The following LRRTM3 variants were observed in gnomAD, a reference collection of about 807,000 sequenced individuals.
The protein encoded by LRRTM3 is leucine rich repeat transmembrane neuronal 3.
LRRTM3 carries 24 observed loss-of-function variants against 44.7 expected under a neutral mutation model. That is an observed-to-expected ratio of 0.54 (90% CI 0.39 to 0.76). The LOEUF is 0.76. Ranked by LOEUF, LRRTM3 falls within the 30% of genes least tolerant of loss-of-function variation. The pLI is 0.00. For synonymous variants in LRRTM3, 277 were observed against 278.7 expected (o/e 0.99, Z 0.06); for missense variants, 587 against 702.2 (o/e 0.84, Z 1.85).
chr10:67,068,566 A>G (rs542243834), intron 2 of LRRTM3, among the ~76,000 whole-genome samples: 1 of 152,334 alleles, frequency 6.6e-6, no homozygotes, highest in African/African-American at 2.4e-5. Context: ...GCAGGTCAAG[A>G]ACAGAACTTT....
intron 2 of LRRTM3, among the ~76,000 whole-genome samples, chr10:67,045,872 G>A (rs1461827038): frequency 6.6e-6 from 1 of 152,118 alleles, no homozygotes; most frequent in East Asian, 1.9e-4. Context: ...CCTTTAACCT[G>A]GTCCCCCAAA....
intron 2 of LRRTM3, among the ~76,000 whole-genome samples, chr10:67,050,210 A>G (rs1854998464): frequency 6.6e-6 from 1 of 152,256 alleles, no homozygotes; most frequent in African/African-American, 2.4e-5. Context: ...TGCAATGCAG[A>G]TAAGAGGAAA....
chr10:66,965,828 A>C (rs1379466827), intron 2 of LRRTM3, among the ~76,000 whole-genome samples: 1 of 151,950 alleles, frequency 6.6e-6, no homozygotes, highest in Non-Finnish European at 1.5e-5. Flanking sequence ...TTTTTTTTCT[A>C]TGTTAAGTGA....
chr10:66,942,682 C>T (rs1002568582), intron 2 of LRRTM3, among the ~76,000 whole-genome samples: 1 of 151,740 alleles, frequency 6.6e-6, no homozygotes, highest in African/African-American at 2.4e-5. Flanking sequence ...CCTTTCTCTA[C>T]CCCAAACATG....
intron 2 of LRRTM3, among the ~76,000 whole-genome samples, chr10:67,063,023 C>T (rs922942792): frequency 6.6e-6 from 1 of 151,946 alleles, no homozygotes; most frequent in Non-Finnish European, 1.5e-5. Flanking sequence ...TATGTAAGCA[C>T]CTAATTTCCT....
chr10:67,063,479 A>G (rs995983727), intron 2 of LRRTM3, among the ~76,000 whole-genome samples: 1 of 152,200 alleles, frequency 6.6e-6, no homozygotes, highest in African/African-American at 2.4e-5. Flanking sequence ...CAGGGTCAAG[A>G]GTTCACTCCA....
At chr10:66,993,005 G>A (rs1340324325) in intron 2 of LRRTM3, among the ~76,000 whole-genome samples, 1 of 152,082 alleles carries the variant, frequency 6.6e-6, no homozygotes, top group East Asian at 1.9e-4. Context: ...ACAAAACAGT[G>A]GAGGTTTTCT....
rs373411740 is a variant in LRRTM3 at position 67,048,938 on chromosome 10, ACTTAGTTATTC to A, written c.1537-48637_1537-48627del. On this transcript the variant is annotated intron_variant, in intron 2 of 2. Transcript: ENST00000361320. ...ACAACTAGTCATTCCTTAATTTTAT[ACTTAGTTATTC>A]CTTAGTTATTCTTAGTTATTCCTTA... Among the ~76,000 whole-genome samples, 1,446 of 151,986 alleles carry A rather than the reference ACTTAGTTATTC, an allele frequency of 9.5e-3. 10 individuals are homozygous for A. Among genetic ancestry groups the A allele is most frequent in the Non-Finnish European group, 0.014 (955 of 67,914 alleles).
intron 2 of LRRTM3, among the ~76,000 whole-genome samples, chr10:67,073,875 T>A (rs1856593607): frequency 6.6e-6 from 1 of 152,178 alleles, no homozygotes; most frequent in Non-Finnish European, 1.5e-5. Context: ...CAATCACATT[T>A]TACTGATGAG....
chr10:67,026,614 T>A lies in LRRTM3; in HGVS notation c.1537-70973T>A, dbSNP rs1054691090. Among the ~76,000 whole-genome samples the A allele has an allele frequency of 3.3e-5, 5 of 152,174 alleles. 1 individual carries two copies. Among genetic ancestry groups the A allele is most frequent in the African/African-American group, 1.2e-4 (5 of 41,454 alleles). On this transcript the variant is annotated intron_variant, in intron 2 of 2. Transcript: ENST00000361320. The stretch of plus-strand genomic sequence containing the variant: ...TATCTCTCAAGAAAGAACAGTCTTC[T>A]GAACATTCATATTGAAGGAAAAGGA...
intron 2 of LRRTM3, among the ~76,000 whole-genome samples, chr10:66,950,720 A>T (rs1276805855): frequency 1.3e-5 from 2 of 152,210 alleles, no homozygotes; most frequent in Non-Finnish European, 2.9e-5. Context: ...CAACCTTTGT[A>T]GCTACATGCA....
intron 2 of LRRTM3, among the ~76,000 whole-genome samples, chr10:67,047,102 T>C (rs1854801996): frequency 6.6e-6 from 1 of 152,132 alleles, no homozygotes; most frequent in Admixed American, 6.5e-5. Flanking sequence ...CAGAGGACAA[T>C]GAAGACAGTA....
intron 1 of LRRTM3, 45 bp downstream of exon 1, chr10:66,926,632 C>CA: frequency 1.9e-6 from 3 of 1,598,182 alleles, no homozygotes; most frequent in African/African-American, 2.7e-5. Flanking sequence ...AAACAAAAAA[C>CA]AAAAAACCTC....
At chr10:66,960,631 T>C (rs893509642) in intron 2 of LRRTM3, among the ~76,000 whole-genome samples, 1 of 152,202 alleles carries the variant, frequency 6.6e-6, no homozygotes, top group African/African-American at 2.4e-5. Flanking sequence ...TGTGAACATA[T>C]TCCATCTTTG....
At chr10:67,031,599 G>A (rs1853732737) in intron 2 of LRRTM3, among the ~76,000 whole-genome samples, 2 of 152,182 alleles carry the variant, frequency 1.3e-5, no homozygotes, top group South Asian at 4.1e-4. Context: ...CACTTTTGCA[G>A]AAGTCAGGTT....
intron 2 of LRRTM3, among the ~76,000 whole-genome samples, chr10:66,990,623 T>A (rs1485223254): frequency 6.6e-6 from 1 of 152,136 alleles, no homozygotes; most frequent in African/African-American, 2.4e-5. Context: ...TCAAGATGAC[T>A]CAGCAAGTTA....
At chr10:67,039,057 A>G (rs1854239667) in intron 2 of LRRTM3, among the ~76,000 whole-genome samples, 1 of 152,068 alleles carries the variant, frequency 6.6e-6, no homozygotes. Context: ...ATATCAGCAG[A>G]TATGTTCTCC....
chr10:67,011,749 T>C (rs1852354408), intron 2 of LRRTM3, among the ~76,000 whole-genome samples: 1 of 152,088 alleles, frequency 6.6e-6, no homozygotes, highest in Non-Finnish European at 1.5e-5. Context: ...TTAATCCTCA[T>C]AATAACCCTA....
chr10:67,012,420 G>A (rs1852396385), intron 2 of LRRTM3: 1 of 151,986 alleles, frequency 6.6e-6, no homozygotes, highest in Admixed American at 6.6e-5. Context: ...AAAATTATTT[G>A]ATATAATATA....
Sources: allele counts gnomAD v4.1 joint callset (sites outside exome capture counted in the v4.1 genomes callset), GRCh38; gene constraint gnomAD v4.1.1; transcripts MANE v1.5; gene names NCBI Gene and HGNC (gene_info 2026-07-23, HGNC 2026-07-21).